CNGA3: variants seen among roughly 807,000 people sequenced by gnomAD.
The protein encoded by CNGA3 is cyclic nucleotide-gated channel alpha-3.
Under a neutral mutation model 46.6 loss-of-function variants are expected in CNGA3, and 42 were observed. The observed-to-expected ratio is 0.90, with a 90% CI of 0.70 to 1.17. CNGA3 has a LOEUF of 1.17. CNGA3 is among the 50% of genes most tolerant of loss of function. The pLI is 0.00. For missense variants in CNGA3, 893 were observed against 890.7 expected (o/e 1.00, Z -0.03); for synonymous variants, 394 against 369.4 (o/e 1.07, Z -0.76).
intron 6 of CNGA3, among the ~76,000 whole-genome samples, chr2:98,391,501 A>G (rs1027296246): frequency 3.3e-5 from 5 of 152,282 alleles, no homozygotes; most frequent in Admixed American, 6.5e-5. Context: ...AAATTCTCCT[A>G]TTTTTGTTGA....
intron 5 of CNGA3, among the ~76,000 whole-genome samples, chr2:98,384,935 G>T (rs1692619730): frequency 6.6e-6 from 1 of 152,192 alleles, no homozygotes. Context: ...AATTATTTAT[G>T]AACACCTTCC....
rs17502330 is a variant in CNGA3, at chr2:98,387,788, C to G, written c.450-1870C>G. Among the ~76,000 whole-genome samples the G allele has an allele frequency of 4.9e-3, 750 of 152,290 alleles. 2 individuals are homozygous for G. Among genetic ancestry groups the G allele is most frequent in the East Asian group, 0.012 (62 of 5,182 alleles). On this transcript the variant is annotated intron_variant, in intron 5 of 7. Transcript: ENST00000272602. The stretch of plus-strand genomic sequence containing the variant: ...CTGCTCACTGGCTTTCTCATTAAGG[C>G]CCAGGTTTTCACTTGATCCAGAGAG...
At chr2:98,348,514 C>T (rs1691695435) in intron 1 of CNGA3, among the ~76,000 whole-genome samples, 2 of 152,182 alleles carry the variant, frequency 1.3e-5, no homozygotes, top group African/African-American at 2.4e-5. Context: ...GGGAGTGGGG[C>T]GGGGACGGCA....
intron 2 of CNGA3, among the ~76,000 whole-genome samples, chr2:98,374,781 G>A (rs965657218): frequency 2.6e-5 from 4 of 152,214 alleles, no homozygotes; most frequent in Non-Finnish European, 4.4e-5. Context: ...TGATCTAATG[G>A]AATTTCAGGC....
At chr2:98,383,939 T>G (rs1295700202) in intron 5 of CNGA3, among the ~76,000 whole-genome samples, 1 of 152,144 alleles carries the variant, frequency 6.6e-6, no homozygotes, top group African/African-American at 2.4e-5. Context: ...CAGGCTGGAG[T>G]GCAGTGGCGC....
chr2:98,383,080 A>C (rs1485908027), intron 4 of CNGA3, among the ~76,000 whole-genome samples: 1 of 152,142 alleles, frequency 6.6e-6, no homozygotes. Flanking sequence ...TCCAGGGTGG[A>C]ATGGAAGGAA....
chr2:98,360,809 C>T (rs1558804677), intron 1 of CNGA3, among the ~76,000 whole-genome samples: 2 of 152,014 alleles, frequency 1.3e-5, no homozygotes, highest in South Asian at 4.1e-4. Flanking sequence ...AGTTACATAA[C>T]CTGTTATAAG....
chr2:98,349,283 G>T (rs1422509989), intron 1 of CNGA3, among the ~76,000 whole-genome samples: 1 of 151,998 alleles, frequency 6.6e-6, no homozygotes, highest in Non-Finnish European at 1.5e-5. Context: ...AAAACCAAAT[G>T]TACAATACAC....
Position 98,396,018 on chromosome 2 carries a change from G to A in CNGA3, c.848G>A (p.Arg283Gln), listed in dbSNP as rs104893614. The change falls in exon 8 of 8, where the codon CGG (arginine) becomes CAG (glutamine). Residue 283 changes from arginine (R) to glutamine (Q), a missense_variant. Around this residue, in one of 3 missense-constraint regions of CNGA3, gnomAD observed 548 missense variants for 570.8 expected, o/e 0.96. Coordinates refer to ENST00000272602, the MANE Select transcript of CNGA3 (RefSeq NM_001298.3). ...VRFNRLLKFS[R>Q]LFEFFDRTET... ...TTCAACCGCCTACTGAAGTTTTCCC[G>A]GCTCTTTGAATTCTTTGACCGCACA... The A allele has an allele frequency of 6.2e-5, 100 of 1,614,160 alleles. No individual in the cohort carries two copies. The highest frequency in any genetic ancestry group is 1.9e-4 in the African/African-American group (14 of 75,044).
chr2:98,367,306 T>A (rs903672989), intron 1 of CNGA3, among the ~76,000 whole-genome samples: 1 of 151,622 alleles, frequency 6.6e-6, no homozygotes, highest in Non-Finnish European at 1.5e-5. Flanking sequence ...ACCATTCTCC[T>A]GCCTCAGCCT....
intron 1 of CNGA3, among the ~76,000 whole-genome samples, chr2:98,348,614 C>T (rs927705760): frequency 6.6e-6 from 1 of 152,148 alleles, no homozygotes; most frequent in Admixed American, 6.5e-5. Context: ...CCCTGCTAAT[C>T]CCCCACCAAC....
chr2:98,388,623 C>G (rs919379324), intron 5 of CNGA3, among the ~76,000 whole-genome samples: 1 of 152,222 alleles, frequency 6.6e-6, no homozygotes, highest in Non-Finnish European at 1.5e-5. Flanking sequence ...CTGCAGCCTC[C>G]GGTGGGCAGC....
intron 7 of CNGA3, among the ~76,000 whole-genome samples, chr2:98,393,338 GC>G (rs897331156): frequency 5.3e-5 from 8 of 152,198 alleles, no homozygotes; most frequent in Non-Finnish European, 1.5e-5. Context: ...CATTTCAAGT[GC>G]GTCTTGCTTC....
chr2:98,348,180 T>C (rs1691687226), intron 1 of CNGA3, among the ~76,000 whole-genome samples: 1 of 152,196 alleles, frequency 6.6e-6, no homozygotes, highest in Non-Finnish European at 1.5e-5. Flanking sequence ...CACTTCCTCT[T>C]CAGCCTCGGT....
At chr2:98,365,685 T>C (rs1253209031) in intron 1 of CNGA3, among the ~76,000 whole-genome samples, 2 of 152,202 alleles carry the variant, frequency 1.3e-5, no homozygotes, top group African/African-American at 2.4e-5. Context: ...TTCTTTCCTC[T>C]GCTTGGTCTA....
chr2:98,352,306 T>C lies in CNGA3; in HGVS notation c.-38+5772T>C, dbSNP rs147031504. 3.3e-3 allele frequency among the ~76,000 whole-genome samples: 507 copies of C among 152,358 alleles called. 2 individuals carry two copies. The highest frequency in any genetic ancestry group is 0.011 in the African/African-American group (474 of 41,580). On this transcript the variant is annotated intron_variant, in intron 1 of 7. Transcript: ENST00000272602. ...GATAGGCCCTAATAAATGATTGTCG[T>C]TTCCACTTAGGGCTACTGTAAATAA...
intron 1 of CNGA3, among the ~76,000 whole-genome samples, chr2:98,359,891 G>C (rs1691985060): frequency 6.6e-6 from 1 of 152,344 alleles, no homozygotes; most frequent in South Asian, 2.1e-4. Flanking sequence ...CTCTTGGACA[G>C]AGAATCTGGG....
chr2:98,385,864 G>T (rs1239557573), intron 5 of CNGA3, among the ~76,000 whole-genome samples: 1 of 152,114 alleles, frequency 6.6e-6, no homozygotes, highest in African/African-American at 2.4e-5. Context: ...CAGGAGGAAG[G>T]TGGGGTAGGT....
At chr2:98,361,942 C>T (rs1023485970) in intron 1 of CNGA3, among the ~76,000 whole-genome samples, 11 of 151,924 alleles carry the variant, frequency 7.2e-5, no homozygotes, top group Non-Finnish European at 1.0e-4. Flanking sequence ...TTCCTGGCCT[C>T]GTGATCCACC....
Sources: gnomAD v4.1 joint callset for allele counts (sites outside exome capture counted in the v4.1 genomes callset) on GRCh38, gnomAD v4.1.1 for gene constraint, gnomAD v4.1.1 regional missense constraint, MANE v1.5 for transcripts, NCBI Gene and HGNC (gene_info 2026-07-23, HGNC 2026-07-21) for gene names.